The following STON2 variants were observed in gnomAD, a reference collection of about 807,000 sequenced individuals.
STON2 encodes stonin-2.
In STON2, 29 loss-of-function variants were observed where a neutral mutation model predicts 65.7. That is an observed-to-expected ratio of 0.44 (90% CI 0.33 to 0.60). STON2 has a LOEUF of 0.60. Among genes scored for constraint, STON2 ranks in the 20% least tolerant of loss-of-function variants. STON2 has a pLI of 0.03. For synonymous variants in STON2, 404 were observed against 414.2 expected, an observed-to-expected ratio of 0.98 and a Z score of 0.30; for missense variants, 1,054 against 1,118.1, an observed-to-expected ratio of 0.94 and a Z score of 0.82.
rs148971457 is a variant in STON2, at chr14:81,261,499, A to AT, written c.*6914dup. 1,844 of 254,938 alleles carry AT rather than the reference A, an allele frequency of 7.2e-3. 43 individuals are homozygous for AT. The highest frequency in any genetic ancestry group is 0.039 in the African/African-American group (1,743 of 45,268). The allele number at this position is 254,938 out of a possible 1,614,324, so 15.8% of individuals were successfully genotyped here. On this transcript the variant is annotated 3_prime_UTR_variant, in exon 8 of 8. Transcript: ENST00000614646. ...TTTTGTAGCTTGTACATAGTTTAAA[A>AT]TTTTTTTAACTACAATTTGATGTTA... is the stretch of plus-strand genomic sequence containing the variant.
chr14:81,350,141 T>C (rs1313180978), intron 4 of STON2, among the ~76,000 whole-genome samples: 2 of 152,076 alleles, frequency 1.3e-5, no homozygotes, highest in African/African-American at 4.8e-5. Flanking sequence ...AAATTCTGTT[T>C]GGTAAGATGA....
intron 4 of STON2, among the ~76,000 whole-genome samples, chr14:81,343,984 T>C (rs904144929): frequency 6.6e-6 from 1 of 152,184 alleles, no homozygotes; most frequent in Non-Finnish European, 1.5e-5. Context: ...TATACCTATG[T>C]CCTGTAAAGA....
At chr14:81,405,460 G>GTTTTTTTTTTTTTTTTTTTT (rs376505307) in intron 2 of STON2, among the ~76,000 whole-genome samples, 12 of 63,304 alleles carry the variant, frequency 1.9e-4, no homozygotes, top group African/African-American at 5.6e-4. Flanking sequence ...AGTTACTATT[G>GTTTTTTTTTTTTTTTTTTTT]TTTTTTTTTT....
chr14:81,400,493 A>AAAC (rs1237308530), upstream of STON2, among the ~76,000 whole-genome samples: 1 of 151,316 alleles, frequency 6.6e-6, no homozygotes, highest in Admixed American at 6.6e-5. Flanking sequence ...AAAAAAAAAA[A>AAAC]AAAACCCACA....
intron 2 of STON2, among the ~76,000 whole-genome samples, chr14:81,407,553 A>G (rs926800630): frequency 6.6e-6 from 1 of 152,190 alleles, no homozygotes; most frequent in Non-Finnish European, 1.5e-5. Flanking sequence ...CGTCTATGAA[A>G]ATCGCCACAT....
intron 3 of STON2, among the ~76,000 whole-genome samples, chr14:81,377,530 A>G (rs1899309993): frequency 6.6e-6 from 1 of 152,228 alleles, no homozygotes; most frequent in African/African-American, 2.4e-5. Flanking sequence ...GATAAAGTCC[A>G]AGAGTGCAAT....
In STON2 at chr14:81,307,821, A is replaced by AGT. The variant is rs201613458; in HGVS notation, c.742+16194_742+16195dup. On this transcript the variant is annotated intron_variant, in intron 5 of 7. Coordinates refer to ENST00000614646, the MANE Select transcript of STON2 (RefSeq NM_001394390.1). The stretch of plus-strand genomic sequence containing the variant: ...ACTTTATTGTAGGAATGCAGTCTGT[A>AGT]GTGTATATATAACACAAAAAATATG... Among the ~76,000 whole-genome samples the AGT allele has an allele frequency of 5.0e-3, 769 of 152,294 alleles. 7 individuals carry two copies. Among genetic ancestry groups the AGT allele is most frequent in the Middle Eastern group, 0.02 (6 of 294 alleles).
chr14:81,262,010 C>G lies in STON2; in HGVS notation c.*6404G>C. On this transcript the variant is annotated 3_prime_UTR_variant, in exon 8 of 8. Transcript: ENST00000614646. ...AGATGGACCAGGTGATTTTTCCAAT[C>G]TTCAAAATTTAAATTTCTTGGTTCT... The G allele has an allele frequency of 7.3e-7, 1 of 1,365,094 alleles. No individual in the cohort carries two copies. Among genetic ancestry groups the G allele is most frequent in the African/African-American group, 1.5e-5 (1 of 67,730 alleles). 84.6% of individuals were successfully genotyped at this position (1,365,094 alleles called of 1,614,324 possible).
At chr14:81,351,488 A>C (rs944603952) in intron 4 of STON2, among the ~76,000 whole-genome samples, 1 of 152,140 alleles carries the variant, frequency 6.6e-6, no homozygotes, top group Non-Finnish European at 1.5e-5. Flanking sequence ...TTTCTTTAGG[A>C]CCATACTTGG....
intron 4 of STON2, among the ~76,000 whole-genome samples, chr14:81,332,317 A>C (rs1271627154): frequency 1.3e-5 from 2 of 152,264 alleles, no homozygotes; most frequent in African/African-American, 4.8e-5. Flanking sequence ...TCACATTCGC[A>C]TTTTAAAATG....
chr14:81,265,068 T>C lies in STON2; in HGVS notation c.*3346A>G. 1.0e-6 allele frequency: 1 copy of C among 983,738 alleles called. No homozygotes were observed. Among genetic ancestry groups the C allele is most frequent in the South Asian group, 4.7e-5 (1 of 21,258 alleles). The allele number at this position is 983,738 out of a possible 1,614,324, so 60.9% of individuals were successfully genotyped here. ...TCACATTATTGATAACAAAGATTAT[T>C]TGTGACCACAAAAAAAAAAAATAAA... On this transcript the variant is annotated 3_prime_UTR_variant, in exon 8 of 8. Transcript: ENST00000614646.
At chr14:81,400,917 G>A (rs901873594), upstream of STON2, among the ~76,000 whole-genome samples, 17 of 152,204 alleles carry the variant, frequency 1.1e-4, no homozygotes, top group East Asian at 7.7e-4. Context: ...GATAATGTAC[G>A]CCAAGTACTA....
chr14:81,376,510 A>G (rs980693135), intron 3 of STON2, among the ~76,000 whole-genome samples: 1 of 152,144 alleles, frequency 6.6e-6, no homozygotes, highest in Non-Finnish European at 1.5e-5. Flanking sequence ...ATGTCAGGCC[A>G]GGTGCTTTTA....
chr14:81,304,542 G>A (rs1896098182), intron 5 of STON2, among the ~76,000 whole-genome samples: 1 of 152,122 alleles, frequency 6.6e-6, no homozygotes, highest in Non-Finnish European at 1.5e-5. Flanking sequence ...GGCCAACATG[G>A]TGAAACCCTG....
chr14:81,419,820 GC>G (rs2139891341), intron 2 of STON2, among the ~76,000 whole-genome samples: 1 of 152,332 alleles, frequency 6.6e-6, no homozygotes, highest in South Asian at 2.1e-4. Context: ...TCCCAAGGAA[GC>G]CCAAGTAAGA....
At chr14:81,331,426 C>A (rs1897210081) in intron 4 of STON2, among the ~76,000 whole-genome samples, 1 of 152,146 alleles carries the variant, frequency 6.6e-6, no homozygotes, top group Non-Finnish European at 1.5e-5. Context: ...CTAGAAAAGG[C>A]AGAGCCAGGA....
intron 3 of STON2, among the ~76,000 whole-genome samples, chr14:81,385,610 T>C (rs1899762177): frequency 6.6e-6 from 1 of 152,206 alleles, no homozygotes; most frequent in African/African-American, 2.4e-5. Flanking sequence ...CTGACTTCAC[T>C]GAGGGCGCCA....
At chr14:81,349,920 T>C (rs1897960496) in intron 4 of STON2, among the ~76,000 whole-genome samples, 1 of 152,134 alleles carries the variant, frequency 6.6e-6, no homozygotes. Flanking sequence ...AATCCTGTCA[T>C]TTGCAGCAAC....
At chr14:81,370,873 C>G (rs1002182787) in intron 4 of STON2, 115 bp downstream of exon 4, 63 of 945,304 alleles carry the variant, frequency 6.7e-5, no homozygotes, top group Non-Finnish European at 1.1e-5. Context: ...ATAACAACAC[C>G]TGAACTCATT....
Sources: gnomAD v4.1 joint callset for allele counts (sites outside exome capture counted in the v4.1 genomes callset) on GRCh38, gnomAD v4.1.1 for gene constraint, MANE v1.5 for transcripts, NCBI Gene and HGNC (gene_info 2026-07-23, HGNC 2026-07-21) for gene names.